MTUS2: variants seen among roughly 807,000 people sequenced by gnomAD.
MTUS2 encodes microtubule-associated tumor suppressor candidate 2.
A neutral mutation model predicts 114.1 loss-of-function variants in MTUS2; 40 were observed. The observed-to-expected ratio is 0.35, with a 90% CI of 0.27 to 0.46. MTUS2 has a LOEUF of 0.46. Among genes scored for constraint, MTUS2 ranks in the 20% least tolerant of loss-of-function variants. The pLI, the probability that MTUS2 is intolerant of heterozygous loss-of-function variation, is 1.00. For synonymous variants in MTUS2, 688 were observed against 672.0 expected, an observed-to-expected ratio of 1.02 and a Z score of -0.37; for missense variants, 1,679 against 1,705.4, an observed-to-expected ratio of 0.98 and a Z score of 0.27.
At chr13:29,437,822 C>T (rs1168398251) in intron 8 of MTUS2, among the ~76,000 whole-genome samples, 1 of 152,046 alleles carries the variant, frequency 6.6e-6, no homozygotes, top group African/African-American at 2.4e-5. Context: ...GTGGCATGCA[C>T]CTGTAGTCCC....
intron 8 of MTUS2, among the ~76,000 whole-genome samples, chr13:29,368,534 G>A (rs1336635674): frequency 2.0e-5 from 3 of 152,236 alleles, no homozygotes; most frequent in Non-Finnish European, 2.9e-5. Flanking sequence ...TTGAGGTGAC[G>A]AATATCCTAA....
intron 8 of MTUS2, among the ~76,000 whole-genome samples, chr13:29,391,666 G>A (rs115271795): frequency 0.04 from 5,861 of 145,990 alleles, 399 homozygotes; most frequent in African/African-American, 0.14. Context: ...AGTTTTAATT[G>A]TGGCAAAATA....
At chr13:29,199,786 C>T (rs1030336923) in intron 5 of MTUS2, among the ~76,000 whole-genome samples, 1 of 151,906 alleles carries the variant, frequency 6.6e-6, no homozygotes, top group Non-Finnish European at 1.5e-5. Flanking sequence ...CCTCTTTGTG[C>T]CTCTGTTAGA....
intron 2 of MTUS2, among the ~76,000 whole-genome samples, chr13:28,869,690 G>T (rs1182926751): frequency 6.6e-6 from 1 of 152,174 alleles, no homozygotes. Context: ...AGAATCACTT[G>T]AACCTGGAAG....
chr13:29,022,426 G>C (rs1263581269), intron 2 of MTUS2, among the ~76,000 whole-genome samples: 1 of 152,180 alleles, frequency 6.6e-6, no homozygotes, highest in Non-Finnish European at 1.5e-5. Context: ...CTGACCTCAA[G>C]TGATCCTCCC....
rs540502014 is a variant in MTUS2, at chr13:28,949,294, G to T, written c.-242-75163G>T. On this transcript the variant is annotated intron_variant, in intron 2 of 15. Coordinates refer to ENST00000612955, the MANE Select transcript of MTUS2 (RefSeq NM_001033602.4). ...AATGGGCAGCTAGTTTACCCTGAAT[G>T]GTAGCCAGTGGCCTGCCTTGGGGCT... is the stretch of plus-strand genomic sequence containing the variant. 1.7e-3 allele frequency among the ~76,000 whole-genome samples: 251 copies of T among 150,146 alleles called. 2 individuals carry two copies. Among genetic ancestry groups the T allele is most frequent in the Non-Finnish European group, 3.1e-3 (211 of 67,998 alleles).
intron 2 of MTUS2, among the ~76,000 whole-genome samples, chr13:28,967,175 G>A (rs1167564001): frequency 6.6e-6 from 1 of 152,210 alleles, no homozygotes; most frequent in Non-Finnish European, 1.5e-5. Context: ...GGAATGGTCA[G>A]TAGCATCATT....
chr13:28,859,278 C>CT lies in MTUS2; in HGVS notation c.-243+19430dup, dbSNP rs550154575. ...GGGGCCCAGTGGGAACTGTGGGCTG[C>CT]TTGTGGCATTGTCCCTGGTTGGATG... On this transcript the variant is annotated intron_variant, in intron 2 of 15. Coordinates refer to ENST00000612955, the MANE Select transcript of MTUS2 (RefSeq NM_001033602.4). Among the ~76,000 whole-genome samples, 14 of 152,240 alleles carry CT rather than the reference C, an allele frequency of 9.2e-5. No individual in the cohort carries two copies. In the East Asian group the frequency reaches 2.5e-3, roughly 27 times the overall value.
At chr13:29,336,196 G>T (rs1901054334) in intron 7 of MTUS2, among the ~76,000 whole-genome samples, 1 of 152,200 alleles carries the variant, frequency 6.6e-6, no homozygotes, top group Admixed American at 6.5e-5. Flanking sequence ...GCCAGGAGTT[G>T]TAATCCTTTG....
Position 29,026,467 on chromosome 13 carries a change from A to G in MTUS2, c.1769A>G (p.Lys590Arg). Reference protein sequence around the residue: ...LLNTSPKVPDKNTCPSGIPKP... With the variant: ...LLNTSPKVPDRNTCPSGIPKP... ...AACACGTCCCCCAAAGTGCCTGACAAGAACACTTGCCCCAGTGGGATCCCC... is the reference window on the plus strand; with the variant it reads ...AACACGTCCCCCAAAGTGCCTGACAGGAACACTTGCCCCAGTGGGATCCCC... Residue 590 changes from lysine to arginine, a missense_variant, in exon 3 of 16, where the codon AAG (lysine) becomes AGG (arginine). Coordinates refer to ENST00000612955, the MANE Select transcript of MTUS2 (RefSeq NM_001033602.4). 6.2e-7 allele frequency: 1 copy of G among 1,614,012 alleles called. No individual in the cohort carries two copies. Among genetic ancestry groups the G allele is most frequent in the Non-Finnish European group, 8.5e-7 (1 of 1,179,896 alleles).
At chr13:29,465,813 C>G (rs2138815101) in intron 9 of MTUS2, among the ~76,000 whole-genome samples, 1 of 152,328 alleles carries the variant, frequency 6.6e-6, no homozygotes, top group South Asian at 2.1e-4. Flanking sequence ...GTTGCATTAC[C>G]TTCATTTTCT....
chr13:29,097,545 T>C (rs888028775), intron 4 of MTUS2, among the ~76,000 whole-genome samples: 2 of 152,232 alleles, frequency 1.3e-5, no homozygotes, highest in Non-Finnish European at 2.9e-5. Flanking sequence ...TGGAAACATA[T>C]ATTCCTCTAA....
At chr13:29,058,569 T>C (rs80325351) in intron 4 of MTUS2, among the ~76,000 whole-genome samples, 2,263 of 128,340 alleles carry the variant, frequency 0.018, 60 homozygotes, top group African/African-American at 0.062. Context: ...GTTGATGCTT[T>C]TTTTTTTTTT....
chr13:28,936,465 C>T (rs760523553), intron 2 of MTUS2, among the ~76,000 whole-genome samples: 15 of 152,212 alleles, frequency 9.9e-5, no homozygotes, highest in East Asian at 1.9e-4. Context: ...GCTAAGGCAG[C>T]GGTGGTGCTG....
At chr13:29,486,469 G>A (rs1881624378) in intron 10 of MTUS2, among the ~76,000 whole-genome samples, 1 of 152,132 alleles carries the variant, frequency 6.6e-6, no homozygotes, top group African/African-American at 2.4e-5. Context: ...TCAGATCAAA[G>A]GTTAGCCTGT....
At chr13:29,318,402 T>TTTCTTTTTTTTTTTTTTTTTG (rs398117152) in intron 6 of MTUS2, among the ~76,000 whole-genome samples, 1 of 151,068 alleles carries the variant, frequency 6.6e-6, no homozygotes, top group African/African-American at 2.4e-5. Context: ...TTTTTTTTTT[T>TTTCTTTTTTTTTTTTTTTTTG]GAGATGACAG....
At chr13:29,201,336 GT>G (rs35381798) in intron 5 of MTUS2, among the ~76,000 whole-genome samples, 22,378 of 145,794 alleles carry the variant, frequency 0.15, 1,809 homozygotes, top group East Asian at 0.32. Context: ...TGCAACCCCT[GT>G]TTTTTTTTTT....
intron 4 of MTUS2, among the ~76,000 whole-genome samples, chr13:29,035,082 G>A (rs1887002788): frequency 6.6e-6 from 1 of 151,936 alleles, no homozygotes; most frequent in Non-Finnish European, 1.5e-5. Flanking sequence ...TCTGAGGCTG[G>A]CTCATTCATA....
intron 4 of MTUS2, among the ~76,000 whole-genome samples, chr13:29,062,411 GGCTATTCT>G (rs1888464454): frequency 6.6e-6 from 1 of 152,126 alleles, no homozygotes; most frequent in Non-Finnish European, 1.5e-5. Context: ...GAATAACTTT[GGCTATTCT>G]CATACCTTTA....
Sources: gnomAD v4.1 joint callset for allele counts (sites outside exome capture counted in the v4.1 genomes callset) on GRCh38, gnomAD v4.1.1 for gene constraint, MANE v1.5 for transcripts, NCBI Gene and HGNC (gene_info 2026-07-23, HGNC 2026-07-21) for gene names.